Variants in CREB3L2 observed in about 807,000 individuals in gnomAD.
CREB3L2 encodes cyclic AMP-responsive element-binding protein 3-like protein 2.
A neutral mutation model predicts 57.2 loss-of-function variants in CREB3L2; 23 were observed. The observed-to-expected ratio is 0.40, with a 90% CI of 0.29 to 0.57. The LOEUF is 0.57. Ranked by LOEUF, CREB3L2 falls within the 20% of genes least tolerant of loss-of-function variation. The pLI is 0.42. For missense variants in CREB3L2, 628 were observed against 634.7 expected (o/e 0.99, Z 0.11); for synonymous variants, 268 against 265.1 (o/e 1.01, Z -0.11).
At chr7:137,981,026 C>T (rs1801702287) in intron 1 of CREB3L2, among the ~76,000 whole-genome samples, 2 of 152,190 alleles carry the variant, frequency 1.3e-5, no homozygotes, top group Non-Finnish European at 2.9e-5. Context: ...CTGCTGAGGA[C>T]CCCGAGTCCT....
chr7:137,934,641 G>A (rs1351594092), intron 1 of CREB3L2, among the ~76,000 whole-genome samples: 4 of 152,198 alleles, frequency 2.6e-5, no homozygotes, highest in Admixed American at 6.5e-5. Flanking sequence ...ACGGTCATCC[G>A]CTATGAACAC....
intron 1 of CREB3L2, among the ~76,000 whole-genome samples, chr7:137,969,555 G>A (rs1380201779): frequency 6.6e-6 from 1 of 151,722 alleles, no homozygotes; most frequent in African/African-American, 2.4e-5. Context: ...ATTTCACCAT[G>A]TTAACCGGGA....
At chr7:137,983,244 G>A (rs542877251) in intron 1 of CREB3L2, among the ~76,000 whole-genome samples, 64 of 152,262 alleles carry the variant, frequency 4.2e-4, no homozygotes, top group African/African-American at 1.3e-3. Flanking sequence ...CCTTCCAGAG[G>A]ACTATCTACC....
At chr7:137,933,151 A>T (rs1800693185) in intron 1 of CREB3L2, among the ~76,000 whole-genome samples, 1 of 152,212 alleles carries the variant, frequency 6.6e-6, no homozygotes, top group South Asian at 2.1e-4. Context: ...ACTATTCTAC[A>T]ACTGTTTGAC....
chr7:137,986,522 A>T (rs10954591), intron 1 of CREB3L2, among the ~76,000 whole-genome samples: 133,286 of 152,240 alleles, frequency 0.88, 58,567 homozygotes, highest in South Asian at 0.94. Flanking sequence ...GACTGCCATG[A>T]CAGCAGGGCT....
chr7:137,900,513 C>T lies in CREB3L2; in HGVS notation c.1043+841G>A, dbSNP rs191140422. 4.9e-3 allele frequency among the ~76,000 whole-genome samples: 746 copies of T among 152,136 alleles called. 6 individuals are homozygous for T. The highest frequency in any genetic ancestry group is 0.017 in the Middle Eastern group (5 of 292). ...AACTAATTTAAAAAACAATGATTTG[C>T]AGCCGGAGCAGTGGCTCAGACCTGT... On this transcript the variant is annotated intron_variant, in intron 8 of 11. Transcript: ENST00000330387.
intron 1 of CREB3L2, chr7:137,999,530 T>C (rs1196200367): frequency 6.6e-6 from 1 of 152,176 alleles, no homozygotes; most frequent in African/African-American, 2.4e-5. Context: ...TCTCTCTGAC[T>C]GAATGAATAA....
At chr7:137,893,692 G>A (rs910448827) in intron 8 of CREB3L2, among the ~76,000 whole-genome samples, 2 of 152,192 alleles carry the variant, frequency 1.3e-5, no homozygotes, top group Admixed American at 1.3e-4. Context: ...ATCATATAGA[G>A]ATTGTCAAGA....
chr7:137,923,519 C>G (rs527925905), intron 2 of CREB3L2, among the ~76,000 whole-genome samples: 158 of 152,312 alleles, frequency 1.0e-3, no homozygotes, highest in Admixed American at 1.5e-3. Flanking sequence ...ACCCCTGAGT[C>G]TGGCTACTCT....
intron 4 of CREB3L2, among the ~76,000 whole-genome samples, chr7:137,911,976 T>G (rs1246716294): frequency 6.6e-6 from 1 of 152,202 alleles, no homozygotes; most frequent in African/African-American, 2.4e-5. Flanking sequence ...TTAGACCTCA[T>G]GAGGCTCAGG....
intron 2 of CREB3L2, among the ~76,000 whole-genome samples, chr7:137,924,612 C>T (rs1174463354): frequency 1.3e-5 from 2 of 152,158 alleles, no homozygotes; most frequent in South Asian, 2.1e-4. Context: ...CTCTCTTAAC[C>T]TCATGACATG....
chr7:137,934,144 C>A (rs888345827), intron 1 of CREB3L2, among the ~76,000 whole-genome samples: 1 of 152,182 alleles, frequency 6.6e-6, no homozygotes, highest in Non-Finnish European at 1.5e-5. Flanking sequence ...ACCTTTTTCT[C>A]ACTCAATACT....
intron 1 of CREB3L2, among the ~76,000 whole-genome samples, chr7:137,937,691 T>C (rs779976323): frequency 1.3e-5 from 2 of 152,186 alleles, no homozygotes; most frequent in Admixed American, 1.3e-4. Flanking sequence ...CTTCGAACTC[T>C]TTATTACACC....
rs1585583715 is a variant in CREB3L2 at position 137,879,953 on chromosome 7, G to A, written c.*523C>T. On this transcript the variant is annotated 3_prime_UTR_variant, in exon 12 of 12. Transcript: ENST00000330387. ...GCTGCAGGAGACGAGACGATCCAGC[G>A]AGGGCTCCCAGGGGGCAGAGTGGGC... 4 of 236,652 alleles carry A rather than the reference G, an allele frequency of 1.7e-5. No individual in the cohort carries two copies. The highest frequency in any genetic ancestry group is 3.3e-5 in the Non-Finnish European group (4 of 120,576). 14.7% of individuals were successfully genotyped at this position (236,652 alleles called of 1,614,324 possible). A position where few individuals can be genotyped will look rare whatever the true frequency, so the allele number is the denominator to read the frequency against.
chr7:137,927,278 G>GAAAGGAAAGGAGGAAGGA (rs35701640), intron 2 of CREB3L2, among the ~76,000 whole-genome samples: 5 of 136,632 alleles, frequency 3.7e-5, no homozygotes, highest in African/African-American at 1.2e-4. Flanking sequence ...GAAAGGAAAG[G>GAAAGGAAAGGAGGAAGGA]AGGAAGGAAG....
At position 138,001,118 on chromosome 7, in the gene CREB3L2, C is replaced by CACAG; in HGVS notation, c.102+485_102+486insCTGT. 6.8e-6 allele frequency among the ~76,000 whole-genome samples: 1 copy of CACAG among 147,764 alleles called. No individual in the cohort carries two copies. Among genetic ancestry groups the CACAG allele is most frequent in the South Asian group, 2.1e-4 (1 of 4,772 alleles). Reference sequence around the variant, plus strand: ...ACACACACACACACACACACACACACACACACACGTGTACTTTTTAAAATA... The same window carrying CACAG: ...ACACACACACACACACACACACACACACAGACACACACGTGTACTTTTTAAAATA... On this transcript the variant is annotated intron_variant, in intron 1 of 11. Transcript: ENST00000330387. The surrounding 1 kb of genome is among the most constrained non-coding windows in gnomAD (Gnocchi z 4.2).
intron 1 of CREB3L2, among the ~76,000 whole-genome samples, chr7:137,935,408 A>T (rs540707076): frequency 6.6e-6 from 1 of 152,218 alleles, no homozygotes; most frequent in Admixed American, 6.5e-5. Flanking sequence ...GACAGAACAA[A>T]TGTACTTCTT....
intron 1 of CREB3L2, among the ~76,000 whole-genome samples, chr7:137,957,053 G>C (rs745993625): frequency 6.6e-6 from 1 of 150,760 alleles, no homozygotes; most frequent in South Asian, 2.1e-4. Context: ...TTTCTTCTTC[G>C]GCCTCTCCAC....
chr7:137,971,568 C>T (rs1389634640), intron 1 of CREB3L2, among the ~76,000 whole-genome samples: 1 of 151,484 alleles, frequency 6.6e-6, no homozygotes, highest in Non-Finnish European at 1.5e-5. Flanking sequence ...TGAGTGCACA[C>T]AAAACACCGG....
Sources: allele counts gnomAD v4.1 joint callset (sites outside exome capture counted in the v4.1 genomes callset), GRCh38; gene constraint gnomAD v4.1.1; non-coding constraint Gnocchi (gnomAD v3.1); transcripts MANE v1.5; gene names NCBI Gene and HGNC (gene_info 2026-07-23, HGNC 2026-07-21).